Variants in RIMS2 observed in about 807,000 individuals in gnomAD.
RIMS2 encodes the protein regulating synaptic membrane exocytosis 2, also known as regulating synaptic membrane exocytosis protein 2.
RIMS2 carries 59 observed loss-of-function variants against 174.4 expected under a neutral mutation model. That is an observed-to-expected ratio of 0.34 (90% CI 0.27 to 0.42). RIMS2 has a LOEUF of 0.42. Ranked by LOEUF, RIMS2 falls within the 10% of genes least tolerant of loss-of-function variation. The probability of loss-of-function intolerance (pLI) is 1.00; values close to 1 mark genes in which losing one functional copy is unlikely to be tolerated. For missense variants in RIMS2, 1,620 were observed against 1,666.3 expected, an observed-to-expected ratio of 0.97 and a Z score of 0.48; for synonymous variants, 606 against 572.5, an observed-to-expected ratio of 1.06 and a Z score of -0.84.
intron 19 of RIMS2, 110 bp from the exon 24 acceptor site, chr8:104,093,361 T>C (rs1216043697): frequency 5.7e-6 from 4 of 702,894 alleles, no homozygotes; most frequent in Non-Finnish European, 9.0e-6. Context: ...TGAGTGGGAT[T>C]TTGCAGTTTC....
chr8:103,604,585 T>A (rs1017216382), intron 1 of RIMS2, among the ~76,000 whole-genome samples: 4 of 151,322 alleles, frequency 2.6e-5, no homozygotes, highest in African/African-American at 9.8e-5. Flanking sequence ...TAAATTACCT[T>A]GGGCAGTATG....
intron 19 of RIMS2, chr8:104,223,609 G>C: frequency 1.3e-6 from 2 of 1,539,498 alleles, no homozygotes; most frequent in Non-Finnish European, 1.7e-6. Context: ...CCGCCAAGAC[G>C]CCGCGTATCT....
At chr8:104,162,754 C>T (rs1337267289) in intron 19 of RIMS2, among the ~76,000 whole-genome samples, 1 of 152,062 alleles carries the variant, frequency 6.6e-6, no homozygotes, top group East Asian at 1.9e-4. Flanking sequence ...GTCCTGGTAA[C>T]TGTAAATAAA....
At chr8:104,160,314 A>G (rs1458893395) in intron 19 of RIMS2, among the ~76,000 whole-genome samples, 1 of 152,242 alleles carries the variant, frequency 6.6e-6, no homozygotes, top group African/African-American at 2.4e-5. Context: ...AGTATTTGTT[A>G]GAATGCATGT....
intron 3 of RIMS2, among the ~76,000 whole-genome samples, chr8:103,793,345 A>G (rs551554705): frequency 4.6e-5 from 7 of 152,318 alleles, no homozygotes; most frequent in African/African-American, 1.7e-4. Context: ...GATTATCTCA[A>G]TAGATGCAGA....
At chr8:103,569,348 C>A (rs2092630752) in intron 1 of RIMS2, among the ~76,000 whole-genome samples, 1 of 152,010 alleles carries the variant, frequency 6.6e-6, no homozygotes, top group African/African-American at 2.4e-5. Context: ...GTCATTGATA[C>A]AAGGGCTTAT....
chr8:103,643,355 C>T (rs74793424), intron 1 of RIMS2, among the ~76,000 whole-genome samples: 29,425 of 151,988 alleles, frequency 0.19, 3,041 homozygotes, highest in Middle Eastern at 0.3. Context: ...ATATTAACCA[C>T]AGCTATTTTT....
intron 1 of RIMS2, among the ~76,000 whole-genome samples, chr8:103,609,712 T>G (rs2095299562): frequency 6.6e-6 from 1 of 152,234 alleles, no homozygotes; most frequent in Non-Finnish European, 1.5e-5. Context: ...TTTGTAACCG[T>G]TCCATGCTGT....
intron 19 of RIMS2, chr8:104,015,497 T>C (rs1175690799): frequency 3.1e-6 from 2 of 646,320 alleles, no homozygotes; most frequent in Non-Finnish European, 5.6e-6. Context: ...CTAACAGCCT[T>C]TTTGGGGGGC....
At chr8:104,037,254 C>T (rs2096536218) in intron 19 of RIMS2, among the ~76,000 whole-genome samples, 1 of 152,142 alleles carries the variant, frequency 6.6e-6, no homozygotes, top group Admixed American at 6.5e-5. Context: ...ATCTCTCCTT[C>T]CCCCAAAGGA....
At chr8:104,251,879 A>C, downstream of RIMS2, 1 of 907,756 alleles carries the variant, frequency 1.1e-6, no homozygotes, top group Admixed American at 2.2e-5. Flanking sequence ...AAAAAAAATC[A>C]CAGGTTGCAA....
At chr8:103,575,212 A>T (rs745833625) in intron 1 of RIMS2, among the ~76,000 whole-genome samples, 2 of 152,234 alleles carry the variant, frequency 1.3e-5, no homozygotes, top group Admixed American at 6.5e-5. Context: ...CATTAGTCGC[A>T]GTGGGAATAC....
chr8:103,772,271 A>T (rs2098262289), intron 3 of RIMS2, among the ~76,000 whole-genome samples: 1 of 151,924 alleles, frequency 6.6e-6, no homozygotes, highest in Admixed American at 6.5e-5. Context: ...CATTAATGGG[A>T]TCTATAAAAT....
At chr8:103,769,536 G>T (rs1160828850) in intron 3 of RIMS2, among the ~76,000 whole-genome samples, 5 of 152,134 alleles carry the variant, frequency 3.3e-5, no homozygotes, top group African/African-American at 1.2e-4. Context: ...ATGTTGGCCA[G>T]GCTGGTCTCA....
intron 10 of RIMS2, among the ~76,000 whole-genome samples, chr8:103,923,105 A>G (rs1308126955): frequency 6.6e-6 from 1 of 151,896 alleles, no homozygotes; most frequent in African/African-American, 2.4e-5. Flanking sequence ...ACATATATCG[A>G]CAGCCCATAT....
intron 19 of RIMS2, among the ~76,000 whole-genome samples, chr8:104,033,266 T>G (rs2096439625): frequency 6.6e-6 from 1 of 151,966 alleles, no homozygotes; most frequent in South Asian, 2.1e-4. Flanking sequence ...TAAGGATATT[T>G]TTAAGTAAAC....
intron 22 of RIMS2, among the ~76,000 whole-genome samples, chr8:104,250,100 A>G (rs1252412417): frequency 1.3e-5 from 2 of 152,248 alleles, no homozygotes; most frequent in Non-Finnish European, 2.9e-5. Context: ...TTCTTATGCT[A>G]CATATTTCAA....
intron 12 of RIMS2, among the ~76,000 whole-genome samples, chr8:103,931,694 A>G (rs1248741626): frequency 4.6e-5 from 7 of 152,118 alleles, no homozygotes; most frequent in Non-Finnish European, 1.0e-4. Flanking sequence ...TTTAACACAA[A>G]TTATAGAATC....
intron 19 of RIMS2, among the ~76,000 whole-genome samples, chr8:104,121,560 A>G (rs1415746258): frequency 6.6e-6 from 1 of 152,254 alleles, no homozygotes; most frequent in Non-Finnish European, 1.5e-5. Flanking sequence ...GAAAAAATAC[A>G]AGACTATTAC....
Sources: allele counts gnomAD v4.1 joint callset (sites outside exome capture counted in the v4.1 genomes callset), GRCh38; gene constraint gnomAD v4.1.1; transcripts MANE v1.5; gene names NCBI Gene and HGNC (gene_info 2026-07-23, HGNC 2026-07-21).